The following PIP4K2A variants were observed in gnomAD, a reference collection of about 807,000 sequenced individuals.
The protein encoded by PIP4K2A is phosphatidylinositol 5-phosphate 4-kinase type-2 alpha.
Under a neutral mutation model 42.9 loss-of-function variants are expected in PIP4K2A, and 14 were observed. The observed-to-expected ratio is 0.33, with a 90% CI of 0.22 to 0.51. The LOEUF (loss-of-function observed/expected upper bound fraction) is 0.51. Among genes scored for constraint, PIP4K2A ranks in the 20% least tolerant of loss-of-function variants. The pLI is 0.97. For synonymous variants in PIP4K2A, 192 were observed against 192.2 expected (o/e 1.00, Z 0.01); for missense variants, 434 against 519.8 (o/e 0.83, Z 1.61).
At chr10:22,672,366 T>C (rs533652686) in intron 1 of PIP4K2A, among the ~76,000 whole-genome samples, 1 of 152,292 alleles carries the variant, frequency 6.6e-6, no homozygotes, top group Admixed American at 6.5e-5. Flanking sequence ...TATTCACACC[T>C]TCATAACCAC....
intron 5 of PIP4K2A, among the ~76,000 whole-genome samples, chr10:22,568,204 T>C (rs1293097319): frequency 6.6e-6 from 1 of 152,236 alleles, no homozygotes; most frequent in Non-Finnish European, 1.5e-5. Flanking sequence ...AGCAGTAACT[T>C]ACTCAACACT....
intron 1 of PIP4K2A, among the ~76,000 whole-genome samples, chr10:22,610,512 C>T (rs947825829): frequency 7.9e-5 from 12 of 152,164 alleles, no homozygotes; most frequent in African/African-American, 2.4e-4. Flanking sequence ...AAGGCAGGTA[C>T]GCTGAAGGAT....
chr10:22,681,942 C>T (rs1165606264), intron 1 of PIP4K2A, among the ~76,000 whole-genome samples: 3 of 152,124 alleles, frequency 2.0e-5, no homozygotes, highest in Non-Finnish European at 4.4e-5. Context: ...TCTACAGACA[C>T]TGAAATTTGA....
chr10:22,704,709 T>A, intron 1 of PIP4K2A, among the ~76,000 whole-genome samples: 1 of 143,478 alleles, frequency 7.0e-6, no homozygotes, highest in African/African-American at 2.6e-5. Flanking sequence ...AATGAGAGAC[T>A]AAGGGTGAAG....
intron 1 of PIP4K2A, among the ~76,000 whole-genome samples, chr10:22,627,684 C>T (rs1165893687): frequency 7.3e-6 from 1 of 136,974 alleles, no homozygotes; most frequent in African/African-American, 2.7e-5. Context: ...GGATACATGA[C>T]ACATTGTGCT....
intron 1 of PIP4K2A, among the ~76,000 whole-genome samples, chr10:22,674,782 AAAATAAAT>A (rs71395814): frequency 2.6e-4 from 39 of 148,518 alleles, no homozygotes; most frequent in Non-Finnish European, 4.5e-4. Flanking sequence ...TCTCTACCAA[AAAATAAAT>A]AAATAAATAA....
chr10:22,696,911 G>A (rs2130909083), intron 1 of PIP4K2A, among the ~76,000 whole-genome samples: 1 of 152,102 alleles, frequency 6.6e-6, no homozygotes, highest in Non-Finnish European at 1.5e-5. Flanking sequence ...TTATCCCAGG[G>A]CTAATTTTAA....
At chr10:22,622,360 G>A (rs1455023148) in intron 1 of PIP4K2A, among the ~76,000 whole-genome samples, 1 of 152,212 alleles carries the variant, frequency 6.6e-6, no homozygotes, top group Non-Finnish European at 1.5e-5. Flanking sequence ...GCACAGGACT[G>A]ATTCCTCAGA....
At chr10:22,567,002 A>T (rs1836862399) in intron 6 of PIP4K2A, among the ~76,000 whole-genome samples, 1 of 152,246 alleles carries the variant, frequency 6.6e-6, no homozygotes, top group Non-Finnish European at 1.5e-5. Context: ...GTAGATTTGC[A>T]AATCTATAAA....
In PIP4K2A at chr10:22,541,988, C is replaced by T. The variant is rs776347600; in HGVS notation, c.852G>A (p.Glu284=). Residue 284 remains glutamate, a synonymous_variant, in exon 8 of 10, where the codon GAG becomes GAA. Coordinates refer to ENST00000376573, the MANE Select transcript of PIP4K2A (RefSeq NM_005028.5). ...YSLLVGIHDV[E]RAEQEEVECE... ...ACTCCACTTCCTCCTGTTCGGCTCT[C>T]TCCACATCATGAATTCCCACCAGCA... The T allele has an allele frequency of 3.1e-6, 5 of 1,614,006 alleles. No homozygotes were observed. Among genetic ancestry groups the T allele is most frequent in the Non-Finnish European group, 4.2e-6 (5 of 1,180,000 alleles).
intron 5 of PIP4K2A, chr10:22,569,012 C>T (rs1026629029): frequency 4.6e-6 from 7 of 1,533,888 alleles, no homozygotes; most frequent in Non-Finnish European, 6.1e-6. Context: ...AATGAACTTA[C>T]AGTTGGCTTG....
At chr10:22,601,004 C>T (rs952637095) in intron 3 of PIP4K2A, among the ~76,000 whole-genome samples, 2 of 151,804 alleles carry the variant, frequency 1.3e-5, no homozygotes, top group African/African-American at 4.8e-5. Context: ...CAATGACCAA[C>T]AGAGAAAGCA....
At chr10:22,690,240 C>T (rs564550475) in intron 1 of PIP4K2A, among the ~76,000 whole-genome samples, 16 of 152,252 alleles carry the variant, frequency 1.1e-4, no homozygotes, top group South Asian at 4.1e-4. Flanking sequence ...ATACTACCCA[C>T]GTTGTATAAA....
rs888076386 is a variant in PIP4K2A, at chr10:22,536,283, A to G, written c.*918T>C. ...GATGTAGATACCATTGCCCCAAACT[A>G]TGCACTTTTCAGGTAAGCTTTACTT... On this transcript the variant is annotated 3_prime_UTR_variant, in exon 10 of 10. Transcript: ENST00000376573. 9.1e-5 allele frequency: 36 copies of G among 395,958 alleles called. No individual in the cohort carries two copies. The highest frequency in any genetic ancestry group is 4.4e-5 in the Admixed American group (1 of 22,624). The allele number at this position is 395,958 out of a possible 1,614,324, so 24.5% of individuals were successfully genotyped here.
chr10:22,619,299 A>G (rs1398120421), intron 1 of PIP4K2A, among the ~76,000 whole-genome samples: 1 of 152,214 alleles, frequency 6.6e-6, no homozygotes, highest in Non-Finnish European at 1.5e-5. Flanking sequence ...AGGGACAGGC[A>G]GGGCAAATTA....
In PIP4K2A at chr10:22,574,444, G is replaced by GTTTTTTTTTTT. The variant is rs765734098; in HGVS notation, c.493-998_493-988dup. Reference sequence around the variant, plus strand: ...ATACTGCTTGAATTTTTCATTTTCTGTTTTTTTTTTTTTTTACAATGAGCA... The same window carrying GTTTTTTTTTTT: ...ATACTGCTTGAATTTTTCATTTTCTGTTTTTTTTTTTTTTTTTTTTTTTTTTACAATGAGCA... On this transcript the variant is annotated intron_variant, in intron 4 of 9. Coordinates refer to ENST00000376573, the MANE Select transcript of PIP4K2A (RefSeq NM_005028.5). 1.4e-5 allele frequency among the ~76,000 whole-genome samples: 2 copies of GTTTTTTTTTTT among 142,350 alleles called. 1 individual carries two copies. 93.4% of individuals were successfully genotyped at this position (142,350 alleles called of 152,430 possible). A position where few individuals can be genotyped will look rare whatever the true frequency, so the allele number is the denominator to read the frequency against.
At position 22,616,807 on chromosome 10, in the gene PIP4K2A, T is replaced by G. The variant is rs538505685; in HGVS notation, c.145-7090A>C. Among the ~76,000 whole-genome samples, 104 of 152,320 alleles carry G rather than the reference T, an allele frequency of 6.8e-4. No individual in the cohort carries two copies. The South Asian group carries it at 0.021, about 31-fold the overall frequency. The stretch of plus-strand genomic sequence containing the variant: ...CACCAGCTGTGGTATAATAGCACAA[T>G]GTAAATCTGGAAAGAACTGTGTGAC... On this transcript the variant is annotated intron_variant, in intron 1 of 9. Coordinates refer to ENST00000376573, the MANE Select transcript of PIP4K2A (RefSeq NM_005028.5).
At chr10:22,539,309 T>C (rs1836023750) in intron 9 of PIP4K2A, among the ~76,000 whole-genome samples, 1 of 152,176 alleles carries the variant, frequency 6.6e-6, no homozygotes, top group African/African-American at 2.4e-5. Context: ...GCAGGTACAC[T>C]ACTATCTCTT....
At chr10:22,690,154 A>T (rs1426292176) in intron 1 of PIP4K2A, among the ~76,000 whole-genome samples, 1 of 150,566 alleles carries the variant, frequency 6.6e-6, no homozygotes, top group Non-Finnish European at 1.5e-5. Flanking sequence ...TTTAATGTAT[A>T]TTAACTCATT....
Sources: gnomAD v4.1 joint callset for allele counts (sites outside exome capture counted in the v4.1 genomes callset) on GRCh38, gnomAD v4.1.1 for gene constraint, MANE v1.5 for transcripts, NCBI Gene and HGNC (gene_info 2026-07-23, HGNC 2026-07-21) for gene names.